NKX6-3: variants seen among roughly 807,000 people sequenced by gnomAD.
The protein encoded by NKX6-3 is homeobox protein Nkx-6.3.
NKX6-3 carries 17 observed loss-of-function variants against 22.0 expected under a neutral mutation model. The observed-to-expected ratio is 0.77, with a 90% CI of 0.53 to 1.16. The LOEUF is 1.16. Ranked by LOEUF, NKX6-3 falls within the 50% of genes most tolerant of loss-of-function variation. The probability of loss-of-function intolerance (pLI) is 0.00; values close to 1 mark genes in which losing one functional copy is unlikely to be tolerated. For missense variants in NKX6-3, 363 were observed against 359.0 expected (o/e 1.01, Z -0.09); for synonymous variants, 177 against 167.2 (o/e 1.06, Z -0.45).
At chr8:41,647,226 C>A (rs1373820851) in intron 2 of NKX6-3, 2 of 1,612,610 alleles carry the variant, frequency 1.2e-6, no homozygotes, top group South Asian at 1.1e-5. Flanking sequence ...GGAGTGTCTG[C>A]TTCTTCCCCC....
At position 41,646,444 on chromosome 8, in the gene NKX6-3, G is replaced by A; in HGVS notation, c.*5C>T. ...AGCCAGGATCCCGGGCCTGGACGGC[G>A]GGCGTCAGACGCTGTGCGCTCCCAG... On this transcript the variant is annotated 3_prime_UTR_variant, in exon 3 of 3. Transcript: ENST00000518699. The A allele has an allele frequency of 6.3e-7, 1 of 1,589,330 alleles. No homozygotes were observed. Among genetic ancestry groups the A allele is most frequent in the Non-Finnish European group, 8.5e-7 (1 of 1,171,054 alleles).
rs1401178828 is a variant in NKX6-3, at chr8:41,649,964, A to C, written c.382+147T>G. The C allele has an allele frequency of 3.5e-6, 3 of 852,318 alleles. No individual in the cohort carries two copies. In the East Asian group the frequency reaches 8.1e-5, roughly 23 times the overall value. The allele number at this position is 852,318 out of a possible 1,614,324, so 52.8% of individuals were successfully genotyped here. A position where few individuals can be genotyped will look rare whatever the true frequency, so the allele number is the denominator to read the frequency against. ...GAGGAGAGGGTGGAACTCAGCCTGC[A>C]CTGAGCTGAGGCTACGAGTCCAGGG... On this transcript the variant is annotated intron_variant, in intron 1 of 2. Transcript: ENST00000518699.
In NKX6-3 at chr8:41,646,219, G is replaced by T; in HGVS notation, c.*230C>A. The T allele has an allele frequency of 1.6e-6, 1 of 615,750 alleles. No individual in the cohort carries two copies. The highest frequency in any genetic ancestry group is 2.8e-6 in the Non-Finnish European group (1 of 355,654). 38.1% of individuals were successfully genotyped at this position (615,750 alleles called of 1,614,324 possible). A position where few individuals can be genotyped will look rare whatever the true frequency, so the allele number is the denominator to read the frequency against. On this transcript the variant is annotated 3_prime_UTR_variant, in exon 3 of 3. Coordinates refer to ENST00000518699, the MANE Select transcript of NKX6-3 (RefSeq NM_001364841.2). ...TCAGGAGTGCTGTGCCTCCCTCCTGGCCTCCTCCTCCCTTAGCTAGGATGC... is the reference window on the plus strand; with the variant it reads ...TCAGGAGTGCTGTGCCTCCCTCCTGTCCTCCTCCTCCCTTAGCTAGGATGC...
At position 41,648,139 on chromosome 8, in the gene NKX6-3, T is replaced by G; in HGVS notation, c.479A>C (p.Gln160Pro). The G allele has an allele frequency of 6.5e-7, 1 of 1,538,506 alleles. No individual in the cohort carries two copies. The highest frequency in any genetic ancestry group is 8.7e-7 in the Non-Finnish European group (1 of 1,146,898). ...QIFALEKTFEQTKYLAGPERA... is the reference protein window; with the variant it reads ...QIFALEKTFEPTKYLAGPERA... ...CTCGGGGCCAGCCAAGTACTTGGTCTGCTCAAAGGTTTTCTCCAGGGCAAA... is the reference window on the plus strand; with the variant it reads ...CTCGGGGCCAGCCAAGTACTTGGTCGGCTCAAAGGTTTTCTCCAGGGCAAA... Residue 160 changes from glutamine (Q) to proline (P), a missense_variant, in exon 2 of 3, where the codon CAG becomes CCG. By Grantham distance (76) the Gln-to-Pro change is moderately conservative. This residue lies in a region of NKX6-3 where 169 missense variants were observed against 155.8 expected (regional missense o/e 1.08). Coordinates refer to ENST00000518699, the MANE Select transcript of NKX6-3 (RefSeq NM_001364841.2).
chr8:41,648,022 G>A (rs1804246911), intron 2 of NKX6-3, 44 bp downstream of exon 2: 1 of 1,485,866 alleles, frequency 6.7e-7, no homozygotes, highest in South Asian at 1.3e-5. Context: ...CTGTCCGGCA[G>A]GCTCCTCCCT....
chr8:41,647,212 T>C (rs1303297248), intron 2 of NKX6-3: 1 of 1,612,860 alleles, frequency 6.2e-7, no homozygotes, highest in Non-Finnish European at 8.5e-7. Context: ...CAGAAAGACA[T>C]GCAGGAGTGT....
At chr8:41,649,616 C>T (rs55910030) in intron 1 of NKX6-3, among the ~76,000 whole-genome samples, 1 of 152,310 alleles carries the variant, frequency 6.6e-6, no homozygotes, top group African/African-American at 2.4e-5. Context: ...TGGGCAACAG[C>T]CCCCTGGCTC....
At chr8:41,650,059 C>T (rs1804285014) in intron 1 of NKX6-3, 52 bp downstream of exon 1, 6 of 1,490,274 alleles carry the variant, frequency 4.0e-6, no homozygotes, top group African/African-American at 1.4e-5. Flanking sequence ...CGTCCTCTGC[C>T]CCCCGGGGCC....
In NKX6-3 at chr8:41,650,326, G is replaced by A. The variant is rs1460346227; in HGVS notation, c.167C>T (p.Thr56Met). The A allele has an allele frequency of 5.9e-6, 9 of 1,534,918 alleles. No homozygotes were observed. In the South Asian group the frequency reaches 8.3e-5, roughly 14 times the overall value. The change falls in exon 1 of 3, where the codon ACG becomes ATG. Residue 56 changes from threonine to methionine, a missense_variant. Around this residue, in one of 3 missense-constraint regions of NKX6-3, gnomAD observed 175 missense variants for 160.9 expected, o/e 1.09. Transcript: ENST00000518699. ...QLAAGTPHGI[T>M]DILSRPVAAP... Reference sequence around the variant, plus strand: ...AGCCACGGGCCTGCTCAGGATGTCCGTGATCCCGTGGGGGGTTCCGGCGGC... The same window carrying A: ...AGCCACGGGCCTGCTCAGGATGTCCATGATCCCGTGGGGGGTTCCGGCGGC...
chr8:41,649,909 A>G (rs1225396197), intron 1 of NKX6-3, among the ~76,000 whole-genome samples: 1 of 151,972 alleles, frequency 6.6e-6, no homozygotes, highest in Non-Finnish European at 1.5e-5. Context: ...TGGCTCAGAC[A>G]CCTGTGTCCA....
At chr8:41,648,908 G>A (rs185232244) in intron 1 of NKX6-3, among the ~76,000 whole-genome samples, 19 of 152,352 alleles carry the variant, frequency 1.2e-4, no homozygotes, top group Admixed American at 9.8e-4. Flanking sequence ...TTACAGGTGA[G>A]GAAACTGAGG....
intron 2 of NKX6-3, chr8:41,647,423 CG>C: frequency 6.9e-7 from 1 of 1,445,536 alleles, no homozygotes; most frequent in Non-Finnish European, 9.1e-7. Context: ...GACTCTAAGG[CG>C]GTAGAAACCG....
At position 41,646,315 on chromosome 8, in the gene NKX6-3, C is replaced by T; in HGVS notation, c.*134G>A. Reference sequence around the variant, plus strand: ...CTCCTCCCCTGCACCTGCTGCTCCTCCTCCACGCGCCCCTCATCCAAAGAA... The same window carrying T: ...CTCCTCCCCTGCACCTGCTGCTCCTTCTCCACGCGCCCCTCATCCAAAGAA... On this transcript the variant is annotated 3_prime_UTR_variant, in exon 3 of 3. Transcript: ENST00000518699. 5 of 1,207,892 alleles carry T rather than the reference C, an allele frequency of 4.1e-6. No homozygotes were observed. The highest frequency in any genetic ancestry group is 5.6e-6 in the Non-Finnish European group (5 of 887,712). 74.8% of individuals were successfully genotyped at this position (1,207,892 alleles called of 1,614,324 possible). A position where few individuals can be genotyped will look rare whatever the true frequency, so the allele number is the denominator to read the frequency against.
rs1248498730 is a variant in NKX6-3, at chr8:41,650,370, T to TG, written c.122dup (p.Gly42ArgfsTer93). ...CGGCGGCCAGCTGGGGGCCCAGCCC[T>TG]GGGGGGCTGAGCTTGTAGAAGGAGT... is the stretch of plus-strand genomic sequence containing the variant. On this transcript the variant is annotated frameshift_variant, in exon 1 of 3. Coordinates refer to ENST00000518699, the MANE Select transcript of NKX6-3 (RefSeq NM_001364841.2). LOFTEE classifies it high-confidence loss of function. 2 of 1,535,036 alleles carry TG rather than the reference T, an allele frequency of 1.3e-6. No individual in the cohort carries two copies.
intron 2 of NKX6-3, chr8:41,647,229 C>A: frequency 6.2e-7 from 1 of 1,612,510 alleles, no homozygotes; most frequent in Non-Finnish European, 8.5e-7. Flanking sequence ...GTGTCTGCTT[C>A]TTCCCCCCAG....
At chr8:41,647,057 T>G in intron 2 of NKX6-3, 1 of 927,758 alleles carries the variant, frequency 1.1e-6, no homozygotes, top group Non-Finnish European at 1.7e-6. Flanking sequence ...CGGTGCTCAT[T>G]GGAAGGTGCT....
Position 41,646,273 on chromosome 8 carries a change from C to T in NKX6-3, c.*176G>A. 1.2e-6 allele frequency: 1 copy of T among 829,402 alleles called. No individual in the cohort carries two copies. Among genetic ancestry groups the T allele is most frequent in the East Asian group, 2.7e-5 (1 of 36,716 alleles). 51.4% of individuals were successfully genotyped at this position (829,402 alleles called of 1,614,324 possible). On this transcript the variant is annotated 3_prime_UTR_variant, in exon 3 of 3. Transcript: ENST00000518699. ...TCCCCTTTCCCTCCTTTTCCTCCTC[C>T]TCCCCCGCCTCCCCTCCTCCTCCCC...
At chr8:41,647,188 A>G in intron 2 of NKX6-3, 2 of 1,612,758 alleles carry the variant, frequency 1.2e-6, no homozygotes, top group Non-Finnish European at 1.7e-6. Flanking sequence ...GAGGGCAGGA[A>G]CGCACCCCAG....
chr8:41,650,528 C>A lies in NKX6-3; in HGVS notation c.-36G>T, dbSNP rs1283160786. On this transcript the variant is annotated 5_prime_UTR_variant, in exon 1 of 3. Transcript: ENST00000518699. Reference sequence around the variant, plus strand: ...TCAGGACAGGGAAGGCTTCTCCAGGCCCCTAAAACCCAAGAGCCCACTCTC... The same window carrying A: ...TCAGGACAGGGAAGGCTTCTCCAGGACCCTAAAACCCAAGAGCCCACTCTC... 1 of 1,528,198 alleles carries A rather than the reference C, an allele frequency of 6.5e-7. No individual in the cohort carries two copies. The highest frequency in any genetic ancestry group is 1.4e-5 in the African/African-American group (1 of 72,824). The allele number at this position is 1,528,198 out of a possible 1,614,324, so 94.7% of individuals were successfully genotyped here.
Sources: allele counts gnomAD v4.1 joint callset (sites outside exome capture counted in the v4.1 genomes callset), GRCh38; gene constraint gnomAD v4.1.1; regional missense constraint gnomAD v4.1.1; transcripts MANE v1.5; gene names NCBI Gene and HGNC (gene_info 2026-07-23, HGNC 2026-07-21).